NAALADL2: variants seen among roughly 807,000 people sequenced by gnomAD.
The protein encoded by NAALADL2 is inactive N-acetylated-alpha-linked acidic dipeptidase-like protein 2.
In NAALADL2, 76 loss-of-function variants were observed where a neutral mutation model predicts 87.2. That is an observed-to-expected ratio of 0.87 (90% CI 0.72 to 1.05). The LOEUF (loss-of-function observed/expected upper bound fraction) is 1.05, where lower values mean the gene tolerates loss of function less well. Among genes scored for constraint, NAALADL2 ranks in the 50% least tolerant of loss-of-function variants. NAALADL2 has a pLI of 0.00. For missense variants in NAALADL2, 1,089 were observed against 945.8 expected (o/e 1.15, Z -1.99); for synonymous variants, 354 against 331.0 (o/e 1.07, Z -0.75).
At chr3:174,555,817 C>T (rs997090219) in intron 2 of NAALADL2, among the ~76,000 whole-genome samples, 3 of 152,038 alleles carry the variant, frequency 2.0e-5, no homozygotes, top group South Asian at 2.1e-4. Flanking sequence ...TCTTTTACGG[C>T]CAGTTCTCAG....
chr3:175,163,223 C>T (rs139463763), intron 2 of NAALADL2, among the ~76,000 whole-genome samples: 1 of 152,008 alleles, frequency 6.6e-6, no homozygotes, highest in African/African-American at 2.4e-5. Flanking sequence ...AAAAATTGAC[C>T]AGTTTTCCAC....
chr3:174,609,960 A>G, intron 2 of NAALADL2, among the ~76,000 whole-genome samples: 1 of 152,190 alleles, frequency 6.6e-6, no homozygotes, highest in East Asian at 1.9e-4. Flanking sequence ...TGGTACCAAA[A>G]GAGAGATATA....
At chr3:174,623,145 C>T (rs966052589) in intron 2 of NAALADL2, among the ~76,000 whole-genome samples, 15 of 152,214 alleles carry the variant, frequency 9.9e-5, no homozygotes, top group African/African-American at 3.6e-4. Flanking sequence ...TATGCAAGAA[C>T]TGCAAGAGAT....
chr3:174,907,262 A>G (rs75344163), intron 1 of NAALADL2, among the ~76,000 whole-genome samples: 2,544 of 152,088 alleles, frequency 0.017, 83 homozygotes, highest in African/African-American at 0.058. Flanking sequence ...GTAATCTTAG[A>G]TCTAAAAAAA....
intron 10 of NAALADL2, among the ~76,000 whole-genome samples, chr3:175,592,722 C>T (rs1721689821): frequency 8.0e-6 from 1 of 124,736 alleles, no homozygotes; most frequent in South Asian, 2.5e-4. Flanking sequence ...GGGAACATCA[C>T]ACTCTGGGGA....
intron 1 of NAALADL2, among the ~76,000 whole-genome samples, chr3:174,917,729 T>C (rs1734600131): frequency 8.0e-6 from 1 of 125,078 alleles, no homozygotes; most frequent in African/African-American, 3.4e-5. Context: ...TAGATCTATT[T>C]GTTATTTTTT....
chr3:174,444,242 A>T (rs1047958186), intron 1 of NAALADL2, among the ~76,000 whole-genome samples: 6 of 152,132 alleles, frequency 3.9e-5, no homozygotes, highest in Non-Finnish European at 7.4e-5. Context: ...TGAGCTATTT[A>T]CCTAGAACAA....
chr3:175,126,234 C>G (rs984685182), intron 2 of NAALADL2, among the ~76,000 whole-genome samples: 9 of 151,956 alleles, frequency 5.9e-5, no homozygotes, highest in South Asian at 2.1e-4. Context: ...ATAGGAAGAA[C>G]AGATAAAAGA....
chr3:175,455,433 T>A (rs1722184834), intron 6 of NAALADL2, among the ~76,000 whole-genome samples: 1 of 152,038 alleles, frequency 6.6e-6, no homozygotes, highest in Non-Finnish European at 1.5e-5. Flanking sequence ...GGTAGACAGA[T>A]GAGAAAAAAT....
chr3:174,517,058 A>T (rs1719977608), intron 1 of NAALADL2, among the ~76,000 whole-genome samples: 1 of 152,032 alleles, frequency 6.6e-6, no homozygotes, highest in African/African-American at 2.4e-5. Flanking sequence ...TTTAATATTA[A>T]TTTTTAAAAT....
At position 175,722,386 on chromosome 3, in the gene NAALADL2, A is replaced by C. The variant is rs1742357065; in HGVS notation, c.1897-14920A>C. Among the ~76,000 whole-genome samples the C allele has an allele frequency of 6.6e-5, 10 of 152,248 alleles. No individual in the cohort carries two copies. In the South Asian group the frequency reaches 2.1e-3, roughly 32 times the overall value. The stretch of plus-strand genomic sequence containing the variant: ...AGTTATTCCATGAATGACATAGTAC[A>C]CATCTGAGATAATAAAACCCAGGCA... On this transcript the variant is annotated intron_variant, in intron 11 of 13. Coordinates refer to ENST00000454872, the MANE Select transcript of NAALADL2 (RefSeq NM_207015.3).
At chr3:174,764,679 C>T (rs964119800) in intron 3 of NAALADL2, among the ~76,000 whole-genome samples, 1 of 152,120 alleles carries the variant, frequency 6.6e-6, no homozygotes, top group East Asian at 1.9e-4. Flanking sequence ...ATTTGAAGAT[C>T]AAGATTGAAA....
At chr3:175,631,524 A>G (rs1258595334) in intron 11 of NAALADL2, among the ~76,000 whole-genome samples, 2 of 151,750 alleles carry the variant, frequency 1.3e-5, no homozygotes, top group African/African-American at 2.4e-5. Context: ...AAACCTAAGA[A>G]AGTAACGAAT....
intron 10 of NAALADL2, among the ~76,000 whole-genome samples, chr3:175,601,371 C>T (rs1359235772): frequency 6.6e-6 from 1 of 152,150 alleles, no homozygotes; most frequent in Non-Finnish European, 1.5e-5. Flanking sequence ...TGCTTTCTTA[C>T]ACCAAACAGC....
At chr3:175,420,307 G>C (rs759550328) in intron 5 of NAALADL2, among the ~76,000 whole-genome samples, 5 of 151,942 alleles carry the variant, frequency 3.3e-5, no homozygotes, top group Admixed American at 6.6e-5. Flanking sequence ...GAGAAGAATT[G>C]GTTGGATGGT....
chr3:175,264,590 GA>G (rs1014801228), intron 4 of NAALADL2, among the ~76,000 whole-genome samples: 1 of 150,674 alleles, frequency 6.6e-6, no homozygotes, highest in Non-Finnish European at 1.5e-5. Flanking sequence ...GAGTTAAACA[GA>G]AAAAAAACTG....
intron 1 of NAALADL2, among the ~76,000 whole-genome samples, chr3:175,004,763 A>G (rs1027276687): frequency 3.9e-5 from 6 of 152,084 alleles, no homozygotes; most frequent in South Asian, 2.1e-4. Context: ...TATTGATATC[A>G]TTATCTTCAG....
At chr3:175,742,200 G>GGA (rs1745314034) in intron 12 of NAALADL2, among the ~76,000 whole-genome samples, 1 of 152,126 alleles carries the variant, frequency 6.6e-6, no homozygotes, top group Non-Finnish European at 1.5e-5. Context: ...CCTCGTCAGG[G>GGA]AGGTATGTAG....
intron 11 of NAALADL2, among the ~76,000 whole-genome samples, chr3:175,640,098 T>C (rs1729090611): frequency 6.6e-6 from 1 of 152,156 alleles, no homozygotes; most frequent in Non-Finnish European, 1.5e-5. Context: ...TAAAAGTATT[T>C]TATAACAAAG....
Sources: gnomAD v4.1 joint callset for allele counts (sites outside exome capture counted in the v4.1 genomes callset) on GRCh38, gnomAD v4.1.1 for gene constraint, MANE v1.5 for transcripts, NCBI Gene and HGNC (gene_info 2026-07-23, HGNC 2026-07-21) for gene names.